WDR93: variants seen among roughly 807,000 people sequenced by gnomAD.
WDR93 encodes WD repeat-containing protein 93.
In WDR93, 73 loss-of-function variants were observed where a neutral mutation model predicts 82.9. That is an observed-to-expected ratio of 0.88 (90% CI 0.73 to 1.07). The LOEUF is 1.07. Among genes scored for constraint, WDR93 ranks in the 50% least tolerant of loss-of-function variants. WDR93 has a pLI of 0.00. For synonymous variants in WDR93, 283 were observed against 300.1 expected, an observed-to-expected ratio of 0.94 and a Z score of 0.59; for missense variants, 738 against 826.0, an observed-to-expected ratio of 0.89 and a Z score of 1.31.
At chr15:89,726,212 A>G (rs1966730977) in intron 8 of WDR93, among the ~76,000 whole-genome samples, 1 of 152,236 alleles carries the variant, frequency 6.6e-6, no homozygotes, top group African/African-American at 2.4e-5. Context: ...TGCTTGAACC[A>G]AGGAGTTCAA....
At chr15:89,723,405 A>G (rs1312642204) in intron 8 of WDR93, among the ~76,000 whole-genome samples, 3 of 152,016 alleles carry the variant, frequency 2.0e-5, no homozygotes, top group African/African-American at 7.2e-5. Flanking sequence ...TCACACCACT[A>G]CACTCCAGCC....
intron 5 of WDR93, among the ~76,000 whole-genome samples, chr15:89,712,899 C>T (rs1010429144): frequency 2.6e-5 from 4 of 152,102 alleles, no homozygotes; most frequent in African/African-American, 4.8e-5. Flanking sequence ...CCAAGGCAGG[C>T]GGATCACCTG....
At chr15:89,703,864 C>T (rs1965596408) in intron 3 of WDR93, 5 of 152,278 alleles carry the variant, frequency 3.3e-5, no homozygotes, top group Admixed American at 3.3e-4. Flanking sequence ...GCTCAACCAG[C>T]ACAGGCACAC....
At chr15:89,708,506 C>T (rs1388991834) in intron 4 of WDR93, among the ~76,000 whole-genome samples, 1 of 152,120 alleles carries the variant, frequency 6.6e-6, no homozygotes, top group African/African-American at 2.4e-5. Context: ...TCAGCAGTGC[C>T]CACATCTGCA....
intron 2 of WDR93, 87 bp downstream of exon 2, chr15:89,702,136 C>T: frequency 1.4e-6 from 2 of 1,401,796 alleles, no homozygotes; most frequent in Non-Finnish European, 1.9e-6. Flanking sequence ...GGAATTCCTA[C>T]TAGAAAGCTG....
chr15:89,728,999 G>C (rs1185713620), intron 9 of WDR93, 24 bp from the exon 10 acceptor site: 3 of 1,608,496 alleles, frequency 1.9e-6, no homozygotes, highest in African/African-American at 2.7e-5. Context: ...ACATGGCTCT[G>C]ACTCGTGTGT....
chr15:89,691,400 T>C (rs1290274994), intron 1 of WDR93, among the ~76,000 whole-genome samples: 1 of 152,186 alleles, frequency 6.6e-6, no homozygotes. Flanking sequence ...TGGCAGTAAT[T>C]TTATAAAATG....
intron 3 of WDR93, chr15:89,703,343 A>G: frequency 3.3e-6 from 2 of 609,234 alleles, no homozygotes; most frequent in Non-Finnish European, 5.6e-6. Context: ...TTTAATCCTC[A>G]TGGCAGCCTT....
chr15:89,734,671 CT>C (rs1967013935), intron 13 of WDR93, among the ~76,000 whole-genome samples: 1 of 152,076 alleles, frequency 6.6e-6, no homozygotes, highest in Non-Finnish European at 1.5e-5. Flanking sequence ...TTCATCATTC[CT>C]TTGCTTTCCC....
chr15:89,715,090 C>T lies in WDR93; in HGVS notation c.751C>T (p.Gln251Ter). ...TCCAAAGAAAAAAGTCAGACAGCCG[C>T]AACTGGTAGGAAATATCTCTGCTTT... ...SNPKKKVRQP[Q>*]LNSLGPISAD... is the part of the protein sequence containing the mutation. The change falls in exon 6 of 17, where the codon CAA becomes TAA. Residue 251 changes from glutamine (Q) to a stop codon, truncating the protein, a stop_gained. Coordinates refer to ENST00000268130, the MANE Select transcript of WDR93 (RefSeq NM_020212.2). LOFTEE classifies it high-confidence loss of function. The T allele has an allele frequency of 6.2e-7, 1 of 1,613,372 alleles. No homozygotes were observed. The highest frequency in any genetic ancestry group is 2.2e-5 in the East Asian group (1 of 44,868).
intron 3 of WDR93, chr15:89,703,721 T>C (rs1965586215): frequency 6.5e-6 from 1 of 153,418 alleles, no homozygotes; most frequent in Non-Finnish European, 1.5e-5. Context: ...TTGTGGAGGA[T>C]GAGAAGGCAA....
intron 9 of WDR93, 53 bp from the exon 10 acceptor site, chr15:89,728,970 T>A (rs1596111293): frequency 6.7e-7 from 1 of 1,500,742 alleles, no homozygotes; most frequent in Non-Finnish European, 9.3e-7. Flanking sequence ...TGCCAGCAGC[T>A]CTCCTTGCCA....
At chr15:89,730,322 C>CAAAAAAA (rs370652070) in intron 11 of WDR93, among the ~76,000 whole-genome samples, 3 of 123,472 alleles carry the variant, frequency 2.4e-5, no homozygotes, top group Middle Eastern at 4.4e-3. Context: ...AAGACTATCT[C>CAAAAAAA]AAAAAAAAAA....
intron 16 of WDR93, 116 bp downstream of exon 16, chr15:89,738,352 C>T (rs150872047): frequency 3.8e-5 from 49 of 1,282,866 alleles, no homozygotes; most frequent in South Asian, 6.2e-5. Context: ...CCTGGCTGGG[C>T]GTGGTGGCTC....
At chr15:89,720,050 C>T (rs1966453915) in intron 7 of WDR93, among the ~76,000 whole-genome samples, 1 of 151,926 alleles carries the variant, frequency 6.6e-6, no homozygotes, top group African/African-American at 2.4e-5. Context: ...CCACCTGCCT[C>T]AGCCTCCCAA....
At chr15:89,707,401 A>G (rs1180508022) in intron 4 of WDR93, among the ~76,000 whole-genome samples, 1 of 152,092 alleles carries the variant, frequency 6.6e-6, no homozygotes, top group Non-Finnish European at 1.5e-5. Flanking sequence ...AAATACAAAA[A>G]TTAGTTGAGC....
intron 9 of WDR93, among the ~76,000 whole-genome samples, chr15:89,728,820 C>A (rs1340494429): frequency 6.6e-6 from 1 of 152,138 alleles, no homozygotes. Context: ...ATTCCCAGCC[C>A]CACCCAACCT....
At chr15:89,726,418 T>C (rs185288053) in intron 8 of WDR93, among the ~76,000 whole-genome samples, 10 of 152,346 alleles carry the variant, frequency 6.6e-5, no homozygotes, top group Admixed American at 2.6e-4. Flanking sequence ...TACGATATTA[T>C]GTGTTTATAA....
In WDR93 at chr15:89,709,323, GATTT is replaced by G. The variant is rs1386149953; in HGVS notation, c.562-2690_562-2687del. On this transcript the variant is annotated intron_variant, in intron 4 of 16. Coordinates refer to ENST00000268130, the MANE Select transcript of WDR93 (RefSeq NM_020212.2). Reference sequence around the variant, plus strand: ...TCCTGAGGCTGGGCAGGGTGGGGGTGATTTATTTATTTATTTTTTGCCTGTTAAC... The same window carrying G: ...TCCTGAGGCTGGGCAGGGTGGGGGTGATTTATTTATTTTTTGCCTGTTAAC... 9.9e-5 allele frequency among the ~76,000 whole-genome samples: 15 copies of G among 152,102 alleles called. No homozygotes were observed. The South Asian group carries it at 1.5e-3, about 15-fold the overall frequency.
Sources: allele counts gnomAD v4.1 joint callset (sites outside exome capture counted in the v4.1 genomes callset), GRCh38; gene constraint gnomAD v4.1.1; transcripts MANE v1.5; gene names NCBI Gene and HGNC (gene_info 2026-07-23, HGNC 2026-07-21).